Variants in COL11A1 observed in about 807,000 individuals in gnomAD.
The protein encoded by COL11A1 is collagen alpha-1(XI) chain.
In COL11A1, 74 loss-of-function variants were observed where a neutral mutation model predicts 265.2. The observed-to-expected ratio is 0.28, with a 90% CI of 0.23 to 0.34. COL11A1 has a LOEUF of 0.34. COL11A1 is among the 10% of genes least tolerant of loss of function. The pLI, the probability that COL11A1 is intolerant of heterozygous loss-of-function variation, is 1.00. For missense variants in COL11A1, 2,165 were observed against 2,263.6 expected (o/e 0.96, Z 0.88); for synonymous variants, 816 against 727.6 (o/e 1.12, Z -1.96).
chr1:102,889,705 G>C (rs1651503135), intron 58 of COL11A1, 143 bp from the exon 59 acceptor site: 2 of 672,022 alleles, frequency 3.0e-6, no homozygotes. Flanking sequence ...CCTTCTGAAT[G>C]AAATATACAG....
rs1310625709 is a variant in COL11A1 at position 102,877,261 on chromosome 1, A to G, written c.*758T>C. On this transcript the variant is annotated 3_prime_UTR_variant, in exon 67 of 67. Coordinates refer to ENST00000370096, the MANE Select transcript of COL11A1 (RefSeq NM_001854.4). ...GAAATCCTGGATTCTGAGAAGAAAA[A>G]GTTTGAGGTATAGCCTTGAATAAAG... is the stretch of plus-strand genomic sequence containing the variant. 1 of 152,620 alleles carries G rather than the reference A, an allele frequency of 6.6e-6. No homozygotes were observed. The highest frequency in any genetic ancestry group is 1.5e-5 in the Non-Finnish European group (1 of 67,980). The allele number at this position is 152,620 out of a possible 1,614,324, so 9.5% of individuals were successfully genotyped here.
chr1:103,025,862 T>C, intron 6 of COL11A1: 1 of 1,613,680 alleles, frequency 6.2e-7, no homozygotes, highest in African/African-American at 1.3e-5. Context: ...GATGAAAATT[T>C]TTCAGATTTG....
chr1:102,886,503 G>A (rs541853395), intron 63 of COL11A1, among the ~76,000 whole-genome samples: 1 of 150,628 alleles, frequency 6.6e-6, no homozygotes, highest in Non-Finnish European at 1.5e-5. Context: ...ATATACACAT[G>A]TGTGTATACA....
intron 4 of COL11A1, among the ~76,000 whole-genome samples, chr1:103,032,152 C>T (rs1668042859): frequency 6.6e-6 from 1 of 152,046 alleles, no homozygotes. Context: ...GGCTGATAGC[C>T]ATTTAACTTG....
intron 1 of COL11A1, among the ~76,000 whole-genome samples, chr1:103,083,850 C>T (rs188316524): frequency 1.8e-4 from 27 of 152,140 alleles, no homozygotes; most frequent in African/African-American, 6.0e-4. Flanking sequence ...GTATGTAAAA[C>T]TAGGCTACTT....
At chr1:102,902,026 G>A (rs906958233) in intron 54 of COL11A1, among the ~76,000 whole-genome samples, 3 of 152,252 alleles carry the variant, frequency 2.0e-5, no homozygotes, top group Admixed American at 1.3e-4. Flanking sequence ...GATCCAGTTT[G>A]GCAGTATAGA....
chr1:103,019,289 G>A (rs927350332), intron 9 of COL11A1, among the ~76,000 whole-genome samples: 2 of 152,064 alleles, frequency 1.3e-5, no homozygotes, highest in East Asian at 3.9e-4. Context: ...TTAATTCAGG[G>A]AAATTACAGA....
At chr1:103,057,051 T>C (rs1343074036) in intron 4 of COL11A1, among the ~76,000 whole-genome samples, 3 of 152,144 alleles carry the variant, frequency 2.0e-5, no homozygotes, top group African/African-American at 2.4e-5. Flanking sequence ...GCCACATCAA[T>C]TGACTCTTCC....
At chr1:103,060,005 A>G (rs1670546021) in intron 4 of COL11A1, among the ~76,000 whole-genome samples, 1 of 152,126 alleles carries the variant, frequency 6.6e-6, no homozygotes, top group South Asian at 2.1e-4. Context: ...CATCAAACCA[A>G]AATTCCAGAA....
At chr1:103,025,496 A>G in intron 7 of COL11A1, 25 bp downstream of exon 7, 1 of 1,501,478 alleles carries the variant, frequency 6.7e-7, no homozygotes, top group Non-Finnish European at 9.3e-7. Context: ...TGGGACTGTG[A>G]TTTAATACTG....
intron 1 of COL11A1, among the ~76,000 whole-genome samples, chr1:103,107,278 C>CT (rs1674771462): frequency 6.6e-6 from 1 of 151,814 alleles, no homozygotes; most frequent in East Asian, 1.9e-4. Flanking sequence ...CCCACACCCC[C>CT]TCCCCTTCCC....
At position 102,970,288 on chromosome 1, in the gene COL11A1, T is replaced by C; in HGVS notation, c.2809-16A>G. 1 of 1,595,056 alleles carries C rather than the reference T, an allele frequency of 6.3e-7. No homozygotes were observed. Among genetic ancestry groups the C allele is most frequent in the Non-Finnish European group, 8.6e-7 (1 of 1,163,656 alleles). On this transcript the variant is annotated splice_polypyrimidine_tract_variant and intron_variant, in intron 36 of 66. Transcript: ENST00000370096. ...CAGGTGGTCCCTGAAATTACAAATA[T>C]TAAATACCACATGTCATAAATATTT...
intron 1 of COL11A1, among the ~76,000 whole-genome samples, chr1:103,087,233 T>G (rs999031541): frequency 6.6e-6 from 1 of 152,216 alleles, no homozygotes; most frequent in Non-Finnish European, 1.5e-5. Context: ...TTCAGCACAA[T>G]GTTTTGTTCA....
intron 42 of COL11A1, 136 bp from the exon 43 acceptor site, chr1:102,940,570 T>C: frequency 1.5e-6 from 1 of 674,110 alleles, no homozygotes; most frequent in Admixed American, 2.7e-5. Flanking sequence ...AAATGATACA[T>C]GTTCCCTACC....
chr1:102,938,986 A>G, intron 44 of COL11A1, 49 bp downstream of exon 44: 1 of 1,533,690 alleles, frequency 6.5e-7, no homozygotes, highest in Non-Finnish European at 9.0e-7. Flanking sequence ...GTAAACAGTA[A>G]AAGTTGTTAA....
chr1:103,036,916 G>T (rs975810582), intron 4 of COL11A1, among the ~76,000 whole-genome samples: 1 of 152,030 alleles, frequency 6.6e-6, no homozygotes, highest in Non-Finnish European at 1.5e-5. Context: ...CCTATAGACA[G>T]TATGGGTATA....
chr1:103,000,144 A>C (rs1007183843), intron 24 of COL11A1, among the ~76,000 whole-genome samples: 4 of 151,914 alleles, frequency 2.6e-5, no homozygotes, highest in African/African-American at 9.7e-5. Context: ...TCTAGTACAT[A>C]CATGATAAAA....
intron 6 of COL11A1, chr1:103,025,869 T>C: frequency 6.2e-7 from 1 of 1,613,522 alleles, no homozygotes; most frequent in Non-Finnish European, 8.5e-7. Flanking sequence ...ATTTTTCAGA[T>C]TTGGGGGGTG....
intron 64 of COL11A1, among the ~76,000 whole-genome samples, chr1:102,882,031 G>T (rs565759239): frequency 6.6e-6 from 1 of 152,172 alleles, no homozygotes; most frequent in Admixed American, 6.6e-5. Flanking sequence ...AGACAACCGG[G>T]TATAGGCATA....
Sources: gnomAD v4.1 joint callset for allele counts (sites outside exome capture counted in the v4.1 genomes callset) on GRCh38, gnomAD v4.1.1 for gene constraint, MANE v1.5 for transcripts, NCBI Gene and HGNC (gene_info 2026-07-23, HGNC 2026-07-21) for gene names.